Variants in KHDRBS2 observed in about 807,000 individuals in gnomAD.
The protein encoded by KHDRBS2 is KH RNA binding domain containing, signal transduction associated 2, also known as KH domain-containing, RNA-binding, signal transduction-associated protein 2.
In KHDRBS2, 26 loss-of-function variants were observed where a neutral mutation model predicts 44.3. The observed-to-expected ratio is 0.59, with a 90% CI of 0.43 to 0.81. The LOEUF is 0.81. Among genes scored for constraint, KHDRBS2 ranks in the 40% least tolerant of loss-of-function variants. The pLI is 0.00. For missense variants in KHDRBS2, 476 were observed against 433.1 expected (o/e 1.10, Z -0.88); for synonymous variants, 194 against 151.1 (o/e 1.28, Z -2.08).
chr6:61,655,548 C>T, the KHDRBS2 span, among the ~76,000 whole-genome samples: 1 of 152,072 alleles, frequency 6.6e-6, no homozygotes, highest in African/African-American at 2.4e-5. Flanking sequence ...AGCCAATGTG[C>T]TTTGCCTAAA....
intron 4 of KHDRBS2, among the ~76,000 whole-genome samples, chr6:61,931,854 C>T (rs996479903): frequency 6.6e-6 from 1 of 152,044 alleles, no homozygotes; most frequent in African/African-American, 2.4e-5. Flanking sequence ...GCAAGACCAA[C>T]CCATCCTTTC....
chr6:62,124,224 T>A (rs1808415369), intron 2 of KHDRBS2, among the ~76,000 whole-genome samples: 1 of 152,172 alleles, frequency 6.6e-6, no homozygotes. Flanking sequence ...ATACAGTAAA[T>A]GTGTACTTAG....
At chr6:62,185,573 C>T (rs1268668118) in intron 1 of KHDRBS2, among the ~76,000 whole-genome samples, 1 of 151,866 alleles carries the variant, frequency 6.6e-6, no homozygotes, top group Admixed American at 6.6e-5. Flanking sequence ...TATTAAGTAT[C>T]TTCACAAGTA....
intron 7 of KHDRBS2, among the ~76,000 whole-genome samples, chr6:61,715,416 A>G (rs1275924784): frequency 1.3e-5 from 2 of 151,866 alleles, no homozygotes; most frequent in Admixed American, 6.6e-5. Context: ...TTTCCTTCCT[A>G]TCGCCTCAGC....
chr6:61,971,588 G>C (rs978144480), intron 4 of KHDRBS2, among the ~76,000 whole-genome samples: 1 of 152,064 alleles, frequency 6.6e-6, no homozygotes, highest in Admixed American at 6.6e-5. Context: ...ATCTTTGGCT[G>C]TGGGTCATCA....
intron 1 of KHDRBS2, among the ~76,000 whole-genome samples, chr6:62,274,724 C>A (rs1334334521): frequency 1.3e-5 from 2 of 152,020 alleles, no homozygotes; most frequent in Admixed American, 6.6e-5. Flanking sequence ...GTTTAGGTGT[C>A]CTGCCCCGAA....
intron 2 of KHDRBS2, among the ~76,000 whole-genome samples, chr6:62,048,261 C>A (rs1170290346): frequency 6.6e-6 from 1 of 151,574 alleles, no homozygotes; most frequent in Admixed American, 6.6e-5. Context: ...ATATCATTTA[C>A]ATATATAATC....
intron 2 of KHDRBS2, among the ~76,000 whole-genome samples, chr6:62,145,488 G>T (rs1454469598): frequency 6.6e-6 from 1 of 151,542 alleles, no homozygotes; most frequent in Non-Finnish European, 1.5e-5. Context: ...TCTTTTTCTA[G>T]GTACAGTGTT....
chr6:61,831,451 TTC>T (rs1791797595), intron 6 of KHDRBS2, among the ~76,000 whole-genome samples: 2 of 152,036 alleles, frequency 1.3e-5, no homozygotes, highest in African/African-American at 4.8e-5. Context: ...TTATTATTAT[TTC>T]TGTGATTCCT....
intron 3 of KHDRBS2, among the ~76,000 whole-genome samples, chr6:62,042,329 A>G (rs1248147551): frequency 6.6e-6 from 1 of 152,060 alleles, no homozygotes; most frequent in Non-Finnish European, 1.5e-5. Context: ...GATTCCTTTA[A>G]CTCTGCTGGA....
chr6:61,923,658 A>G (rs1219876452), intron 4 of KHDRBS2, among the ~76,000 whole-genome samples: 1 of 152,124 alleles, frequency 6.6e-6, no homozygotes, highest in African/African-American at 2.4e-5. Context: ...AGCTAAAGAG[A>G]AGTAGAAGAG....
intron 3 of KHDRBS2, among the ~76,000 whole-genome samples, chr6:62,017,370 T>G (rs1476446403): frequency 1.3e-5 from 2 of 152,082 alleles, no homozygotes; most frequent in Admixed American, 1.3e-4. Context: ...AAAATAGTAA[T>G]GACAAACACA....
chr6:61,577,351 G>A, the KHDRBS2 span, among the ~76,000 whole-genome samples: 1 of 152,044 alleles, frequency 6.6e-6, no homozygotes, highest in Non-Finnish European at 1.5e-5. Context: ...TGAGATCTCA[G>A]CCTGAACTGG....
chr6:61,915,496 TC>T (rs1806830654), intron 4 of KHDRBS2, among the ~76,000 whole-genome samples: 1 of 151,962 alleles, frequency 6.6e-6, no homozygotes, highest in African/African-American at 2.4e-5. Context: ...ATTTTTATTG[TC>T]CTATAGTAGA....
chr6:61,810,956 G>A (rs1788021403), intron 6 of KHDRBS2, among the ~76,000 whole-genome samples: 1 of 152,000 alleles, frequency 6.6e-6, no homozygotes, highest in African/African-American at 2.4e-5. Context: ...TTTTAAGTTA[G>A]AATTTCCATT....
rs532655020 is a variant in KHDRBS2, at chr6:62,188,572, C to A, written c.92-11260G>T. Among the ~76,000 whole-genome samples the A allele has an allele frequency of 1.3e-4, 20 of 152,194 alleles. No homozygotes were observed. In the East Asian group the frequency reaches 3.5e-3, roughly 27 times the overall value. ...TAAAAATGGCCTCTGAGAAAGTCATCCTTGATCAGAGACATTAATTAAGTA... is the reference window on the plus strand; with the variant it reads ...TAAAAATGGCCTCTGAGAAAGTCATACTTGATCAGAGACATTAATTAAGTA... On this transcript the variant is annotated intron_variant, in intron 1 of 8. Transcript: ENST00000281156.
chr6:61,563,448 T>C, the KHDRBS2 span, among the ~76,000 whole-genome samples: 1 of 152,268 alleles, frequency 6.6e-6, no homozygotes, highest in Non-Finnish European at 1.5e-5. Context: ...ATTATTGCCT[T>C]ACAGAGATTT....
chr6:62,049,946 A>G (rs187156139), intron 2 of KHDRBS2, among the ~76,000 whole-genome samples: 1 of 152,206 alleles, frequency 6.6e-6, no homozygotes, highest in Admixed American at 6.5e-5. Context: ...CTGGGTATAT[A>G]CCCAAAGATC....
At chr6:62,175,137 G>A (rs1241830592) in intron 2 of KHDRBS2, among the ~76,000 whole-genome samples, 1 of 151,582 alleles carries the variant, frequency 6.6e-6, no homozygotes, top group Non-Finnish European at 1.5e-5. Flanking sequence ...GAACAAGGTA[G>A]GTCAACTTTG....
Sources: allele counts gnomAD v4.1 joint callset (sites outside exome capture counted in the v4.1 genomes callset), GRCh38; gene constraint gnomAD v4.1.1; transcripts MANE v1.5; gene names NCBI Gene and HGNC (gene_info 2026-07-23, HGNC 2026-07-21).